COG2: variants seen among roughly 807,000 people sequenced by gnomAD.
The protein encoded by COG2 is conserved oligomeric Golgi complex subunit 2.
COG2 carries 52 observed loss-of-function variants against 90.6 expected under a neutral mutation model. The observed-to-expected ratio is 0.57, with a 90% CI of 0.46 to 0.72. The LOEUF (loss-of-function observed/expected upper bound fraction) is 0.72, where lower values mean the gene tolerates loss of function less well. Among genes scored for constraint, COG2 ranks in the 30% least tolerant of loss-of-function variants. COG2 has a pLI of 0.00. For synonymous variants in COG2, 337 were observed against 320.4 expected, an observed-to-expected ratio of 1.05 and a Z score of -0.55; for missense variants, 829 against 891.2, an observed-to-expected ratio of 0.93 and a Z score of 0.89.
intron 9 of COG2, among the ~76,000 whole-genome samples, chr1:230,676,859 T>C (rs1235202930): frequency 6.6e-6 from 1 of 152,228 alleles, no homozygotes; most frequent in Non-Finnish European, 1.5e-5. Context: ...ATTATTAAGT[T>C]AGCCGTTAAT....
rs1480240393 is a variant in COG2 at position 230,642,673 on chromosome 1, A to G, written c.67A>G (p.Met23Val). 6.2e-7 allele frequency: 1 copy of G among 1,612,644 alleles called. No individual in the cohort carries two copies. The highest frequency in any genetic ancestry group is 1.7e-5 in the Admixed American group (1 of 59,886). Residue 23 changes from methionine to valine, a missense_variant, in exon 1 of 18, where the codon ATG becomes GTG. Coordinates refer to ENST00000366669, the MANE Select transcript of COG2 (RefSeq NM_007357.3). ...DTLCFDKDEF[M>V]KEDFDVDHFV... ...GCTCTGCTTCGACAAGGACGAGTTC[A>G]TGAAGGTGCGCGCGGCGTCCGCTCC... is the stretch of plus-strand genomic sequence containing the variant.
At chr1:230,692,746 G>A (rs1041464168) in intron 17 of COG2, among the ~76,000 whole-genome samples, 11 of 150,724 alleles carry the variant, frequency 7.3e-5, no homozygotes, top group South Asian at 2.1e-4. Context: ...TGTGTGGTGC[G>A]TGTGTGTGTG....
intron 1 of COG2, among the ~76,000 whole-genome samples, chr1:230,655,995 T>C (rs2102746637): frequency 6.6e-6 from 1 of 152,340 alleles, no homozygotes; most frequent in African/African-American, 2.4e-5. Flanking sequence ...GCTTTTCTTC[T>C]TTATTAGTCT....
intron 1 of COG2, among the ~76,000 whole-genome samples, chr1:230,646,013 G>A (rs1340055665): frequency 1.3e-5 from 2 of 152,060 alleles, no homozygotes; most frequent in Non-Finnish European, 2.9e-5. Flanking sequence ...CCTTCCTCCT[G>A]AGGTCTGCCT....
chr1:230,659,568 C>T lies in COG2; in HGVS notation c.177C>T (p.Ala59=), dbSNP rs1444743463. The stretch of plus-strand genomic sequence containing the variant: ...TCTACTATAAACTTCTTAAAACAGC[C>T]ATGGTCGAACTCATCAACAAGGATT... ...LELYYKLLKT[A]MVELINKDYA... The change falls in exon 2 of 18, where the codon GCC becomes GCT. Residue 59 remains alanine (A), a synonymous_variant. Transcript: ENST00000366669. 4 of 1,613,900 alleles carry T rather than the reference C, an allele frequency of 2.5e-6. No homozygotes were observed. Among genetic ancestry groups the T allele is most frequent in the Non-Finnish European group, 3.4e-6 (4 of 1,179,986 alleles).
At chr1:230,659,826 T>C (rs1662143664) in intron 2 of COG2, among the ~76,000 whole-genome samples, 2 of 152,226 alleles carry the variant, frequency 1.3e-5, no homozygotes, top group African/African-American at 4.8e-5. Flanking sequence ...CTATTCTAAA[T>C]TAAATATTTT....
At chr1:230,654,287 T>G (rs1661995061) in intron 1 of COG2, among the ~76,000 whole-genome samples, 2 of 152,232 alleles carry the variant, frequency 1.3e-5, no homozygotes, top group Admixed American at 1.3e-4. Flanking sequence ...GAGTTGATTT[T>G]TGTACAAGGT....
In COG2 at chr1:230,691,371, T is replaced by C. The variant is rs761087942; in HGVS notation, c.1935-13T>C. 3.2e-6 allele frequency: 5 copies of C among 1,585,466 alleles called. No homozygotes were observed. The highest frequency in any genetic ancestry group is 4.3e-6 in the Non-Finnish European group (5 of 1,164,158). On this transcript the variant is annotated splice_polypyrimidine_tract_variant and intron_variant, in intron 16 of 17. Coordinates refer to ENST00000366669, the MANE Select transcript of COG2 (RefSeq NM_007357.3). Reference sequence around the variant, plus strand: ...ATGCCTCTTTTCACCAATAAACGTGTCTTCTATTCAAGGTACTATGAAACC... The same window carrying C: ...ATGCCTCTTTTCACCAATAAACGTGCCTTCTATTCAAGGTACTATGAAACC...
At chr1:230,686,433 A>G (rs906699438) in intron 12 of COG2, among the ~76,000 whole-genome samples, 7 of 152,070 alleles carry the variant, frequency 4.6e-5, no homozygotes, top group African/African-American at 1.7e-4. Flanking sequence ...TCATTATCCC[A>G]TTCTATCCCA....
At chr1:230,657,069 C>G (rs984268963) in intron 1 of COG2, among the ~76,000 whole-genome samples, 5 of 152,100 alleles carry the variant, frequency 3.3e-5, no homozygotes, top group African/African-American at 1.2e-4. Context: ...TCTGTTTACA[C>G]TTAAGGTTAA....
chr1:230,643,090 C>G (rs1661669385), intron 1 of COG2: 2 of 172,410 alleles, frequency 1.2e-5, no homozygotes, highest in South Asian at 3.9e-4. Context: ...GGACTCGGGT[C>G]GGAAAGAAAA....
intron 1 of COG2, among the ~76,000 whole-genome samples, chr1:230,649,136 A>T (rs3789639): frequency 0.053 from 8,135 of 152,334 alleles, 247 homozygotes; most frequent in Middle Eastern, 0.088. Context: ...TTAGAACTTA[A>T]GTGCTACTGT....
intron 12 of COG2, among the ~76,000 whole-genome samples, chr1:230,686,504 C>T (rs1662887890): frequency 6.6e-6 from 1 of 152,132 alleles, no homozygotes; most frequent in Non-Finnish European, 1.5e-5. Context: ...CAATGTGACA[C>T]AAAGAACACT....
rs755260038 is a variant in COG2, at chr1:230,669,434, G to A, written c.673G>A (p.Asp225Asn). The A allele has an allele frequency of 8.1e-6, 13 of 1,613,912 alleles. No individual in the cohort carries two copies. Among genetic ancestry groups the A allele is most frequent in the Middle Eastern group, 1.6e-4 (1 of 6,082 alleles). Residue 225 changes from aspartate to asparagine, a missense_variant, in exon 7 of 18, where the codon GAT (aspartate) becomes AAT (asparagine). Transcript: ENST00000366669. ...LLEGLQTSDV[D>N]IIRHCLRTYA... ...AGAAGGCCTTCAGACGTCTGACGTC[G>A]ATATAATACGGCACTGCTTGCGGAC...
chr1:230,671,636 T>A lies in COG2; in HGVS notation c.895T>A (p.Ser299Thr). ...LLREVTGGAI[S>T]SEKGNTVPGY... ...TCGAGAAGTCACAGGAGGTGCCATC[T>A]CCAGGTAATTTAAACAACCCTGTGT... is the stretch of plus-strand genomic sequence containing the variant. The change falls in exon 8 of 18, where the codon TCC (serine) becomes ACC (threonine). Residue 299 changes from serine (S) to threonine (T), a missense_variant. Ser to Thr is a moderately conservative substitution (Grantham distance 58, BLOSUM62 1). Transcript: ENST00000366669. 6.2e-7 allele frequency: 1 copy of A among 1,613,460 alleles called. No homozygotes were observed. Among genetic ancestry groups the A allele is most frequent in the Non-Finnish European group, 8.5e-7 (1 of 1,179,632 alleles).
intron 10 of COG2, chr1:230,679,871 C>A (rs940341290): frequency 1.3e-5 from 2 of 152,082 alleles, no homozygotes; most frequent in Non-Finnish European, 2.9e-5. Flanking sequence ...AGTCCTTTCC[C>A]CTAGCGTTCT....
chr1:230,644,094 C>T (rs1661696996), intron 1 of COG2, among the ~76,000 whole-genome samples: 1 of 152,178 alleles, frequency 6.6e-6, no homozygotes, highest in African/African-American at 2.4e-5. Flanking sequence ...TCTGAGTTGA[C>T]AGAATGCCTT....
chr1:230,676,487 A>G (rs1662600846), intron 9 of COG2, among the ~76,000 whole-genome samples: 1 of 152,060 alleles, frequency 6.6e-6, no homozygotes, highest in Non-Finnish European at 1.5e-5. Context: ...AACACCAACC[A>G]TCCCTTCTCA....
At chr1:230,669,021 G>T in intron 6 of COG2, 1 of 463,230 alleles carries the variant, frequency 2.2e-6, no homozygotes, top group Non-Finnish European at 3.8e-6. Flanking sequence ...TCATGGAATT[G>T]GACATCTTAT....
Sources: allele counts gnomAD v4.1 joint callset (sites outside exome capture counted in the v4.1 genomes callset), GRCh38; gene constraint gnomAD v4.1.1; transcripts MANE v1.5; gene names NCBI Gene and HGNC (gene_info 2026-07-23, HGNC 2026-07-21).